The following RADX variants were observed in gnomAD, a reference collection of about 807,000 sequenced individuals.
The protein encoded by RADX is RPA-related protein RADX.
RADX carries 36 observed loss-of-function variants against 61.6 expected under a neutral mutation model. The ratio of observed to expected loss-of-function variants is 0.58; its 90% CI spans 0.45 to 0.77. RADX has a LOEUF of 0.77. RADX is among the 30% of genes least tolerant of loss of function. The pLI is 0.00. For synonymous variants in RADX, 272 were observed against 237.9 expected (o/e 1.14, Z -1.32); for missense variants, 497 against 651.1 (o/e 0.76, Z 2.58).
chrX:106,667,133 G>A (rs1362006821), intron 12 of RADX, among the ~76,000 whole-genome samples: 1 of 111,417 alleles, frequency 9.0e-6, no homozygotes, highest in Non-Finnish European at 1.9e-5. Context: ...GGAAAGTGTT[G>A]TAGTAGGAAA....
intron 3 of RADX, among the ~76,000 whole-genome samples, chrX:106,628,892 C>T (rs1415632466): frequency 9.0e-6 from 1 of 111,487 alleles, no homozygotes; most frequent in African/African-American, 3.3e-5. Flanking sequence ...GCCTTGGTCT[C>T]CCGAAGTGCT....
At position 106,662,124 on chromosome X, in the gene RADX, A is replaced by G; in HGVS notation, c.2088A>G (p.Leu696=). ...AAAAGTTTGGCTTAATAGATCACCT[A>G]CACTACAGCCGTGTTTATCCTGAAA... The part of the protein sequence containing the change: ...REKKFGLIDH[L]HYSRVYPESI... The change falls in exon 12 of 14, where the codon CTA becomes CTG. Residue 696 remains leucine, a synonymous_variant. Transcript: ENST00000372548. The G allele has an allele frequency of 8.3e-7, 1 of 1,210,831 alleles. No individual in the cohort carries two copies. The highest frequency in any genetic ancestry group is 1.1e-6 in the Non-Finnish European group (1 of 894,974).
intron 3 of RADX, among the ~76,000 whole-genome samples, chrX:106,628,922 G>T (rs73529266): frequency 9.0e-6 from 1 of 111,069 alleles, no homozygotes; most frequent in African/African-American, 3.3e-5. Flanking sequence ...GGCGTGAGCC[G>T]CCGCGCCTAG....
In RADX at chrX:106,631,838, AAG is replaced by A. The variant is rs1184985478; in HGVS notation, c.980-785_980-784del. On this transcript the variant is annotated intron_variant, in intron 3 of 13. Transcript: ENST00000372548. Reference sequence around the variant, plus strand: ...GAGAAAGAAAGAAAGAAAAGAAAGAAAGAAAAAAGAAAGAAAAAGAGAAAAGA... The same window carrying A: ...GAGAAAGAAAGAAAGAAAAGAAAGAAAAAAAAGAAAGAAAAAGAGAAAAGA... 2.4e-3 allele frequency among the ~76,000 whole-genome samples: 261 copies of A among 110,642 alleles called. 3 individuals are homozygous for A. The highest frequency in any genetic ancestry group is 8.3e-3 in the African/African-American group (254 of 30,567).
rs920670197 is a variant in RADX at position 106,624,913 on chromosome X, C to T, written c.787-177C>T. Among the ~76,000 whole-genome samples the T allele has an allele frequency of 2.7e-5, 3 of 111,745 alleles. No homozygotes were observed. In the South Asian group the frequency reaches 1.1e-3, roughly 42 times the overall value. ...TTTCCACCTCAATACATTTCTCTAT[C>T]TCTAATCTTTAGATGATCAATATTA... is the stretch of plus-strand genomic sequence containing the variant. On this transcript the variant is annotated intron_variant, in intron 2 of 13. Coordinates refer to ENST00000372548, the MANE Select transcript of RADX (RefSeq NM_018015.6).
At chrX:106,648,486 A>C in intron 11 of RADX, 100 bp downstream of exon 11, 3 of 547,634 alleles carry the variant, frequency 5.5e-6, no homozygotes, top group Non-Finnish European at 9.2e-6. Context: ...ACATGCTTAG[A>C]ATGTATACTT....
intron 11 of RADX, among the ~76,000 whole-genome samples, chrX:106,649,176 C>T (rs756137829): frequency 9.0e-6 from 1 of 111,326 alleles, no homozygotes; most frequent in South Asian, 3.7e-4. Flanking sequence ...TGATTATTCT[C>T]TATAAGGCTG....
At position 106,612,656 on chromosome X, in the gene RADX, G is replaced by A; in HGVS notation, c.576G>A (p.Trp192Ter). 1 of 1,210,300 alleles carries A rather than the reference G, an allele frequency of 8.3e-7. No individual in the cohort carries two copies. Among genetic ancestry groups the A allele is most frequent in the Non-Finnish European group, 1.1e-6 (1 of 894,876 alleles). Residue 192 changes from tryptophan (W) to a stop codon, truncating the protein, a stop_gained, in exon 1 of 14, where the codon TGG (tryptophan) becomes TGA (stop). Coordinates refer to ENST00000372548, the MANE Select transcript of RADX (RefSeq NM_018015.6). LOFTEE classifies it high-confidence loss of function. ...RGGKSHYLAL[W>*]NNEDPYGDIW... ...GGAAGAGTCATTACCTGGCGCTGTG[G>A]AATAACGAAGATCCCTATGGAGATA...
At chrX:106,655,017 G>T (rs548057600) in intron 11 of RADX, among the ~76,000 whole-genome samples, 1 of 111,662 alleles carries the variant, frequency 9.0e-6, no homozygotes, top group African/African-American at 3.3e-5. Context: ...AATTGCAGGC[G>T]TACCTCAGAG....
chrX:106,662,133 C>T lies in RADX; in HGVS notation c.2097C>T (p.Ser699=), dbSNP rs1928116739. 8.3e-7 allele frequency: 1 copy of T among 1,210,288 alleles called. No individual in the cohort carries two copies. Among genetic ancestry groups the T allele is most frequent in the Non-Finnish European group, 1.1e-6 (1 of 894,777 alleles). Residue 699 remains serine (S), a synonymous_variant, in exon 12 of 14, where the codon AGC becomes AGT. Coordinates refer to ENST00000372548, the MANE Select transcript of RADX (RefSeq NM_018015.6). The part of the protein sequence containing the change: ...KFGLIDHLHY[S]RVYPESIPRK... ...GCTTAATAGATCACCTACACTACAG[C>T]CGTGTTTATCCTGAAAGTATTCCAC...
Position 106,669,337 on chromosome X carries a change from C to A in RADX, c.2437+7C>A. On this transcript the variant is annotated splice_region_variant and intron_variant, in intron 13 of 13. Transcript: ENST00000372548. ...GGTCCAAGAGCGGTTGCAGGTAAAA[C>A]AATCTCAGTGTTCTTTTCACTCAGA... The A allele has an allele frequency of 8.7e-7, 1 of 1,148,130 alleles. No homozygotes were observed. The highest frequency in any genetic ancestry group is 1.2e-6 in the Non-Finnish European group (1 of 856,478). 94.6% of individuals were successfully genotyped at this position (1,148,130 alleles called of 1,213,427 possible).
intron 1 of RADX, among the ~76,000 whole-genome samples, chrX:106,614,521 C>A (rs1000081101): frequency 5.4e-5 from 6 of 112,024 alleles, no homozygotes; most frequent in Non-Finnish European, 1.1e-4. Flanking sequence ...TGCTGTTGAA[C>A]GGCTTCCTCT....
Position 106,678,160 on chromosome X carries a change from A to G in RADX, c.2470A>G (p.Arg824Gly), listed in dbSNP as rs1230756093. Residue 824 changes from arginine (R) to glycine (G), a missense_variant, in exon 14 of 14, where the codon AGA (arginine) becomes GGA (glycine). Arg to Gly is a moderately radical substitution (Grantham distance 125, BLOSUM62 -2). Around this residue, in one of 3 missense-constraint regions of RADX, gnomAD observed 267 missense variants for 306.9 expected, o/e 0.87. Transcript: ENST00000372548. ...TATAAAAGCAGCAACTGAACTGGAT[A>G]GAGTGCATATCGTCGGTATCTTGGA... is the stretch of plus-strand genomic sequence containing the variant. Reference protein sequence around the residue: ...DIIKAATELDRVHIVGILDIC... With the variant: ...DIIKAATELDGVHIVGILDIC... The G allele has an allele frequency of 8.5e-7, 1 of 1,178,984 alleles. No individual in the cohort carries two copies. Among genetic ancestry groups the G allele is most frequent in the South Asian group, 1.8e-5 (1 of 56,095 alleles).
chrX:106,650,902 A>G (rs753789949), intron 11 of RADX, among the ~76,000 whole-genome samples: 2 of 111,592 alleles, frequency 1.8e-5, no homozygotes, highest in East Asian at 5.7e-4. Flanking sequence ...ATGAAATCAC[A>G]CCAAAGAGTG....
Position 106,633,115 on chromosome X carries a change from A to G in RADX, c.1181-15A>G, listed in dbSNP as rs1452184069. 3.4e-6 allele frequency: 4 copies of G among 1,190,254 alleles called. No individual in the cohort carries two copies. The South Asian group carries it at 5.4e-5, about 16-fold the overall frequency. On this transcript the variant is annotated splice_polypyrimidine_tract_variant and intron_variant, in intron 5 of 13. Coordinates refer to ENST00000372548, the MANE Select transcript of RADX (RefSeq NM_018015.6). ...AACAGTTACCTTCATTTATTTTAAT[A>G]TTCTATCCATATAGAAAACCGTGAA... is the stretch of plus-strand genomic sequence containing the variant.
chrX:106,615,059 G>T (rs759982253), intron 1 of RADX, among the ~76,000 whole-genome samples: 1 of 111,384 alleles, frequency 9.0e-6, no homozygotes, highest in Non-Finnish European at 1.9e-5. Context: ...ATAGAAGTTA[G>T]CCTGTGCCAC....
At chrX:106,669,114 A>G (rs1427618561) in intron 12 of RADX, 49 bp from the exon 13 acceptor site, 3 of 1,035,712 alleles carry the variant, frequency 2.9e-6, no homozygotes, top group African/African-American at 3.7e-5. Flanking sequence ...CATCAGCACC[A>G]CATGCTAACC....
intron 13 of RADX, among the ~76,000 whole-genome samples, chrX:106,673,359 A>G (rs1928414201): frequency 9.1e-6 from 1 of 109,912 alleles, no homozygotes; most frequent in South Asian, 4.0e-4. Flanking sequence ...TACTGCCAGG[A>G]TTGGATCCTT....
intron 10 of RADX, among the ~76,000 whole-genome samples, chrX:106,647,896 G>C (rs1927700550): frequency 9.1e-6 from 1 of 109,478 alleles, no homozygotes; most frequent in African/African-American, 3.3e-5. Flanking sequence ...AGTTTTATTT[G>C]AGCTCCTTGT....
Sources: gnomAD v4.1 joint callset for allele counts (sites outside exome capture counted in the v4.1 genomes callset) on GRCh38, gnomAD v4.1.1 for gene constraint, gnomAD v4.1.1 regional missense constraint, MANE v1.5 for transcripts, NCBI Gene and HGNC (gene_info 2026-07-23, HGNC 2026-07-21) for gene names.